The following ARSG variants were observed in gnomAD, a reference collection of about 807,000 sequenced individuals.
ARSG encodes the protein arylsulfatase G.
Under a neutral mutation model 50.5 loss-of-function variants are expected in ARSG, and 37 were observed. The observed-to-expected ratio is 0.73, with a 90% CI of 0.56 to 0.96. The LOEUF (loss-of-function observed/expected upper bound fraction) is 0.96, where lower values mean the gene tolerates loss of function less well. ARSG is among the 50% of genes least tolerant of loss of function. The pLI is 0.00. For synonymous variants in ARSG, 225 were observed against 254.6 expected (o/e 0.88, Z 1.11); for missense variants, 629 against 675.3 (o/e 0.93, Z 0.76).
At chr17:68,353,403 A>G (rs757776435) in intron 5 of ARSG, among the ~76,000 whole-genome samples, 29 of 152,136 alleles carry the variant, frequency 1.9e-4, no homozygotes, top group Non-Finnish European at 3.4e-4. Flanking sequence ...GTAGAAGTGC[A>G]CAGATTCACA....
At chr17:68,372,432 A>T (rs1305442190) in intron 8 of ARSG, among the ~76,000 whole-genome samples, 1 of 152,208 alleles carries the variant, frequency 6.6e-6, no homozygotes, top group African/African-American at 2.4e-5. Context: ...TACAGGAAGC[A>T]TGGCTAGGGA....
At chr17:68,426,424 G>A (rs558508878), downstream of ARSG, among the ~76,000 whole-genome samples, 2 of 152,200 alleles carry the variant, frequency 1.3e-5, no homozygotes, top group South Asian at 4.1e-4. Flanking sequence ...GTTGAGGTAG[G>A]GTCTCAGTAT....
Position 68,274,191 on chromosome 17 carries a change from C to T in ARSG, c.-552+14765C>T, listed in dbSNP as rs373543576. ...GATGTCGAATATAAATATGGCCGAG[C>T]GCAGTGGCTCATGCCTGTAATCCCA... On this transcript the variant is annotated intron_variant, in intron 1 of 11. Coordinates refer to the ARSG transcript ENST00000448504. 15 of 1,062,394 alleles carry T rather than the reference C, an allele frequency of 1.4e-5. No homozygotes were observed. The Middle Eastern group carries it at 9.0e-4, about 64-fold the overall frequency. 65.8% of individuals were successfully genotyped at this position (1,062,394 alleles called of 1,614,324 possible). A position where few individuals can be genotyped will look rare whatever the true frequency, so the allele number is the denominator to read the frequency against.
chr17:68,426,254 G>A (rs2083184391), downstream of ARSG: 1 of 816,920 alleles, frequency 1.2e-6, no homozygotes, highest in Non-Finnish European at 1.9e-6. Flanking sequence ...GGGAGCGGGG[G>A]CTCAAATAAA....
the ARSG span, among the ~76,000 whole-genome samples, chr17:68,449,101 G>A: frequency 6.6e-6 from 1 of 152,138 alleles, no homozygotes; most frequent in Non-Finnish European, 1.5e-5. Context: ...AAATTAATTA[G>A]TACTTAAGAG....
At chr17:68,451,437 A>C in the ARSG span, among the ~76,000 whole-genome samples, 1 of 152,202 alleles carries the variant, frequency 6.6e-6, no homozygotes, top group Non-Finnish European at 1.5e-5. Flanking sequence ...CGTCTCAAGA[A>C]AAGAAAAAGA....
chr17:68,364,040 C>T (rs996831621), intron 6 of ARSG, among the ~76,000 whole-genome samples: 1 of 152,172 alleles, frequency 6.6e-6, no homozygotes, highest in Non-Finnish European at 1.5e-5. Flanking sequence ...TCCACCCAGG[C>T]ACCATCTGGG....
chr17:68,346,924 G>A (rs2078531939), intron 3 of ARSG: 1 of 1,497,962 alleles, frequency 6.7e-7, no homozygotes, highest in Admixed American at 2.0e-5. Context: ...TGAGTCTGGG[G>A]TCATCCTTTA....
the ARSG span, among the ~76,000 whole-genome samples, chr17:68,438,007 G>A: frequency 1.5e-4 from 21 of 139,854 alleles, no homozygotes; most frequent in Admixed American, 4.4e-4. Context: ...AGTATATTAA[G>A]TGGGTTTCTT....
the ARSG span, among the ~76,000 whole-genome samples, chr17:68,437,234 G>A: frequency 6.6e-6 from 1 of 152,046 alleles, no homozygotes; most frequent in African/African-American, 2.4e-5. Context: ...TTGGAGAAGA[G>A]GAGCTGCCAA....
At chr17:68,275,631 TC>T (rs1254265314) in intron 1 of ARSG, among the ~76,000 whole-genome samples, 5 of 152,184 alleles carry the variant, frequency 3.3e-5, no homozygotes, top group Non-Finnish European at 5.9e-5. Flanking sequence ...AACATTTTAG[TC>T]CTAATTCATT....
At chr17:68,345,618 C>G (rs571864329) in intron 3 of ARSG, among the ~76,000 whole-genome samples, 2 of 152,274 alleles carry the variant, frequency 1.3e-5, no homozygotes, top group African/African-American at 4.8e-5. Flanking sequence ...AAAGACCCAC[C>G]AAAGGAATAT....
At chr17:68,388,032 C>T (rs1054242783) in intron 9 of ARSG, among the ~76,000 whole-genome samples, 4 of 152,098 alleles carry the variant, frequency 2.6e-5, no homozygotes, top group African/African-American at 9.7e-5. Context: ...GACACAAGTA[C>T]AGGATGGGGA....
chr17:68,285,092 T>C (rs1555753988), intron 1 of ARSG, among the ~76,000 whole-genome samples: 1 of 152,146 alleles, frequency 6.6e-6, no homozygotes, highest in Non-Finnish European at 1.5e-5. Context: ...ATGATGATGC[T>C]AAGGAAAATG....
chr17:68,312,720 A>G (rs1224572162), intron 2 of ARSG, among the ~76,000 whole-genome samples: 1 of 151,792 alleles, frequency 6.6e-6, no homozygotes, highest in African/African-American at 2.4e-5. Flanking sequence ...TTCTTTGTTG[A>G]CAGGAAAGCC....
At chr17:68,391,411 A>G (rs72841853) in intron 9 of ARSG, among the ~76,000 whole-genome samples, 26,030 of 152,138 alleles carry the variant, frequency 0.17, 4,467 homozygotes, top group African/African-American at 0.42. Flanking sequence ...TTTGTGCTCC[A>G]GGTGGACTAG....
intron 10 of ARSG, among the ~76,000 whole-genome samples, chr17:68,397,643 C>A (rs1414910580): frequency 3.3e-5 from 5 of 152,204 alleles, no homozygotes; most frequent in Non-Finnish European, 7.3e-5. Flanking sequence ...TATACACACA[C>A]ACACAATATT....
At chr17:68,290,787 C>A (rs1189832588), upstream of ARSG, among the ~76,000 whole-genome samples, 3 of 152,232 alleles carry the variant, frequency 2.0e-5, no homozygotes, top group African/African-American at 7.2e-5. Flanking sequence ...CAACCCGGGG[C>A]AGGGGGCACT....
intron 6 of ARSG, among the ~76,000 whole-genome samples, chr17:68,365,122 C>T (rs1371946703): frequency 6.6e-6 from 1 of 152,170 alleles, no homozygotes; most frequent in East Asian, 1.9e-4. Flanking sequence ...CCAGCCTGGC[C>T]AACATGGCAA....
Sources: allele counts gnomAD v4.1 joint callset (sites outside exome capture counted in the v4.1 genomes callset), GRCh38; gene constraint gnomAD v4.1.1; transcripts MANE v1.5; gene names NCBI Gene and HGNC (gene_info 2026-07-23, HGNC 2026-07-21).